Variants in DOCK8 observed in about 807,000 individuals in gnomAD.
The protein encoded by DOCK8 is dedicator of cytokinesis 8, also known as dedicator of cytokinesis protein 8.
Under a neutral mutation model 245.6 loss-of-function variants are expected in DOCK8, and 141 were observed. The ratio of observed to expected loss-of-function variants is 0.57; its 90% CI spans 0.50 to 0.66. The LOEUF (loss-of-function observed/expected upper bound fraction) is 0.66. Ranked by LOEUF, DOCK8 falls within the 30% of genes least tolerant of loss-of-function variation. The pLI is 0.00. For synonymous variants in DOCK8, 1,168 were observed against 970.2 expected (o/e 1.20, Z -3.79); for missense variants, 2,965 against 2,603.4 (o/e 1.14, Z -3.02).
chr9:331,277 A>G (rs1438603523), intron 9 of DOCK8, among the ~76,000 whole-genome samples: 1 of 152,146 alleles, frequency 6.6e-6, no homozygotes, highest in African/African-American at 2.4e-5. Flanking sequence ...TTACGTGCTT[A>G]TGTTTTCAGT....
At chr9:420,255 A>G (rs1050596957) in intron 30 of DOCK8, 146 bp from the exon 31 acceptor site, 25 of 895,666 alleles carry the variant, frequency 2.8e-5, no homozygotes, top group South Asian at 4.3e-5. Flanking sequence ...GCTACTGGCA[A>G]TAGATCTCCA....
intron 14 of DOCK8, among the ~76,000 whole-genome samples, chr9:346,107 C>T (rs1033784984): frequency 1.3e-5 from 2 of 151,766 alleles, no homozygotes; most frequent in African/African-American, 4.8e-5. Context: ...AGGCAGGACA[C>T]TCTGAGAAAT....
chr9:309,777 T>A (rs2050016602), intron 5 of DOCK8, among the ~76,000 whole-genome samples: 1 of 152,220 alleles, frequency 6.6e-6, no homozygotes, highest in African/African-American at 2.4e-5. Flanking sequence ...TCAGCTTTGG[T>A]GTCTATACAC....
At chr9:388,032 C>T (rs1278898165) in intron 23 of DOCK8, among the ~76,000 whole-genome samples, 3 of 152,298 alleles carry the variant, frequency 2.0e-5, no homozygotes, top group African/African-American at 7.2e-5. Flanking sequence ...TGTAATAATG[C>T]TGCCCAGAAA....
At chr9:300,046 T>G (rs1297894680) in intron 4 of DOCK8, among the ~76,000 whole-genome samples, 1 of 151,560 alleles carries the variant, frequency 6.6e-6, no homozygotes. Context: ...GATGGCCCAT[T>G]GTGGTAAGCC....
rs371766129 is a variant in DOCK8 at position 226,832 on chromosome 9, G to C, written c.53+11803G>C. Among the ~76,000 whole-genome samples, 5 of 152,214 alleles carry C rather than the reference G, an allele frequency of 3.3e-5. No homozygotes were observed. In the East Asian group the frequency reaches 9.6e-4, roughly 29 times the overall value. ...ATCTGAAACTCAGGGGAGAAGTCAAGACTGGATATTTAAGTTTGCAAGTCA... is the reference window on the plus strand; with the variant it reads ...ATCTGAAACTCAGGGGAGAAGTCAACACTGGATATTTAAGTTTGCAAGTCA... On this transcript the variant is annotated intron_variant, in intron 1 of 47. Coordinates refer to ENST00000432829, the MANE Select transcript of DOCK8 (RefSeq NM_203447.4).
At chr9:227,150 C>T (rs938848866) in intron 1 of DOCK8, among the ~76,000 whole-genome samples, 2 of 152,038 alleles carry the variant, frequency 1.3e-5, no homozygotes, top group East Asian at 3.9e-4. Flanking sequence ...GCAAGTTTTC[C>T]TCAAAGGATG....
At chr9:426,384 G>C (rs915643173) in intron 33 of DOCK8, among the ~76,000 whole-genome samples, 1 of 152,140 alleles carries the variant, frequency 6.6e-6, no homozygotes, top group African/African-American at 2.4e-5. Context: ...AAGTTAAGAG[G>C]CTGACTCTCC....
Position 325,661 on chromosome 9 carries a change from T to A in DOCK8, c.828-10T>A, listed in dbSNP as rs766534194. 17 of 1,613,042 alleles carry A rather than the reference T, an allele frequency of 1.1e-5. No individual in the cohort carries two copies. The highest frequency in any genetic ancestry group is 1.4e-5 in the Non-Finnish European group (16 of 1,179,138). On this transcript the variant is annotated splice_polypyrimidine_tract_variant and intron_variant, in intron 7 of 47. Transcript: ENST00000432829. ...AAAGCCACATAGATTTTCCTCTCTT[T>A]CTATGGTAGGTTCGAGATTGAAATT... is the stretch of plus-strand genomic sequence containing the variant.
At chr9:431,667 C>A (rs145451673) in intron 36 of DOCK8, among the ~76,000 whole-genome samples, 1,709 of 152,178 alleles carry the variant, frequency 0.011, 34 homozygotes, top group African/African-American at 0.039. Context: ...CACCACCATG[C>A]CCAGCTAATT....
Position 316,578 on chromosome 9 carries a change from A to G in DOCK8, c.742-465A>G, listed in dbSNP as rs146941482. ...TGAACTGAGAAAGTGACTCTGTATT[A>G]TAGGATCAATGGTTTACAGCCTTAA... On this transcript the variant is annotated intron_variant, in intron 6 of 47. Transcript: ENST00000432829. Among the ~76,000 whole-genome samples, 434 of 152,320 alleles carry G rather than the reference A, an allele frequency of 2.8e-3. 1 individual carries two copies. The highest frequency in any genetic ancestry group is 0.01 in the African/African-American group (424 of 41,578).
intron 40 of DOCK8, 116 bp from the exon 41 acceptor site, chr9:441,170 T>C: frequency 1.3e-6 from 2 of 1,484,950 alleles, no homozygotes; most frequent in Middle Eastern, 2.1e-4. Context: ...TGTGAAATAC[T>C]GTGATACAAC....
chr9:269,327 C>T (rs2048104147), intron 1 of DOCK8, among the ~76,000 whole-genome samples: 1 of 151,836 alleles, frequency 6.6e-6, no homozygotes, highest in Non-Finnish European at 1.5e-5. Flanking sequence ...TTTGGTTTAG[C>T]TTATTTCACT....
chr9:433,080 C>A (rs2056775018), intron 37 of DOCK8, among the ~76,000 whole-genome samples: 1 of 152,254 alleles, frequency 6.6e-6, no homozygotes, highest in South Asian at 2.1e-4. Flanking sequence ...GGCAATGTTG[C>A]ATCCTCATTC....
At chr9:400,970 T>TCCACCA (rs1564016946) in intron 26 of DOCK8, among the ~76,000 whole-genome samples, 3 of 89,344 alleles carry the variant, frequency 3.4e-5, no homozygotes, top group East Asian at 6.9e-4. Flanking sequence ...CACCACCTCC[T>TCCACCA]CCACCATCAC....
chr9:372,559 A>G (rs1322794638), intron 18 of DOCK8, among the ~76,000 whole-genome samples: 1 of 152,222 alleles, frequency 6.6e-6, no homozygotes, highest in Non-Finnish European at 1.5e-5. Context: ...TGTATTATAG[A>G]AGAGGAGGCA....
At chr9:241,375 T>C (rs2047369579) in intron 1 of DOCK8, among the ~76,000 whole-genome samples, 1 of 152,202 alleles carries the variant, frequency 6.6e-6, no homozygotes, top group Non-Finnish European at 1.5e-5. Context: ...CTCTCCCATC[T>C]TTCCCTTCCC....
At chr9:231,322 A>G (rs1384308933) in intron 1 of DOCK8, among the ~76,000 whole-genome samples, 4 of 152,122 alleles carry the variant, frequency 2.6e-5, no homozygotes, top group East Asian at 1.9e-4. Context: ...GTATAGTTTG[A>G]AGTCAGGTAG....
In DOCK8 at chr9:241,330, C is replaced by G. The variant is rs371912713; in HGVS notation, c.53+26301C>G. ...GTATAGAGCACTAGAACGTATTCCTCCTATGTAGCTGTAATTTCGTATCCC... is the reference window on the plus strand; with the variant it reads ...GTATAGAGCACTAGAACGTATTCCTGCTATGTAGCTGTAATTTCGTATCCC... On this transcript the variant is annotated intron_variant, in intron 1 of 47. Coordinates refer to ENST00000432829, the MANE Select transcript of DOCK8 (RefSeq NM_203447.4). Among the ~76,000 whole-genome samples the G allele has an allele frequency of 3.9e-5, 6 of 152,134 alleles. No individual in the cohort carries two copies. In the East Asian group the frequency reaches 7.7e-4, roughly 20 times the overall value.
Sources: gnomAD v4.1 joint callset for allele counts (sites outside exome capture counted in the v4.1 genomes callset) on GRCh38, gnomAD v4.1.1 for gene constraint, MANE v1.5 for transcripts, NCBI Gene and HGNC (gene_info 2026-07-23, HGNC 2026-07-21) for gene names.